MSI2: variants seen among roughly 807,000 people sequenced by gnomAD.
MSI2 encodes the protein RNA-binding protein Musashi homolog 2.
In MSI2, 17 loss-of-function variants were observed where a neutral mutation model predicts 45.6. That is an observed-to-expected ratio of 0.37 (90% CI 0.26 to 0.56). MSI2 has a LOEUF of 0.56. MSI2 is among the 20% of genes least tolerant of loss of function. MSI2 has a pLI of 0.77. For missense variants in MSI2, 293 were observed against 444.2 expected (o/e 0.66, Z 3.06); for synonymous variants, 156 against 158.2 (o/e 0.99, Z 0.11).
intron 5 of MSI2, among the ~76,000 whole-genome samples, chr17:57,303,831 G>A (rs988230569): frequency 1.3e-5 from 2 of 152,170 alleles, no homozygotes; most frequent in African/African-American, 4.8e-5. Context: ...GTAATGGGCC[G>A]TCACACAAGG....
In MSI2 at chr17:57,555,916, G is replaced by T. The variant is rs146322487; in HGVS notation, c.454+26192G>T. 1.3e-3 allele frequency among the ~76,000 whole-genome samples: 192 copies of T among 152,296 alleles called. 1 individual carries two copies. Among genetic ancestry groups the T allele is most frequent in the Non-Finnish European group, 2.3e-3 (159 of 68,026 alleles). ...CCCTACAGCCAGGACAGGCTGCCCA[G>T]CCTCAGAACCACCACTTGTTGTGAC... On this transcript the variant is annotated intron_variant, in intron 7 of 13. Coordinates refer to ENST00000284073, the MANE Select transcript of MSI2 (RefSeq NM_138962.4).
chr17:57,633,098 A>G (rs1909548117), intron 10 of MSI2: 2 of 1,032,250 alleles, frequency 1.9e-6, no homozygotes, highest in African/African-American at 3.4e-5. Flanking sequence ...CTCTGTAAAT[A>G]GTTCATCTGT....
At chr17:57,594,744 G>A (rs1905124165) in intron 7 of MSI2, among the ~76,000 whole-genome samples, 1 of 152,186 alleles carries the variant, frequency 6.6e-6, no homozygotes, top group Non-Finnish European at 1.5e-5. Flanking sequence ...TATCCTGTCG[G>A]ATGTCTGCTT....
At chr17:57,423,175 C>G (rs2084428746) in intron 6 of MSI2, among the ~76,000 whole-genome samples, 2 of 152,140 alleles carry the variant, frequency 1.3e-5, no homozygotes, top group Non-Finnish European at 2.9e-5. Context: ...AAAATAAAAA[C>G]CATGGGATGG....
At chr17:57,296,328 T>A (rs1567742155) in intron 5 of MSI2, among the ~76,000 whole-genome samples, 1 of 152,188 alleles carries the variant, frequency 6.6e-6, no homozygotes, top group Non-Finnish European at 1.5e-5. Context: ...GGCTTTGTAG[T>A]GTTCATATAT....
chr17:57,445,861 A>G (rs1356911388), intron 6 of MSI2, among the ~76,000 whole-genome samples: 1 of 152,132 alleles, frequency 6.6e-6, no homozygotes, highest in African/African-American at 2.4e-5. Context: ...AGAATATGGA[A>G]CGCTATTCTA....
At chr17:57,562,502 T>A (rs2087602977) in intron 7 of MSI2, among the ~76,000 whole-genome samples, 1 of 152,238 alleles carries the variant, frequency 6.6e-6, no homozygotes. Flanking sequence ...AACACAGCCC[T>A]TCTTAGATCT....
intron 10 of MSI2, among the ~76,000 whole-genome samples, chr17:57,638,268 G>A (rs1247639627): frequency 6.6e-6 from 1 of 152,130 alleles, no homozygotes; most frequent in African/African-American, 2.4e-5. Flanking sequence ...CCCTGCCCCT[G>A]AGAGACCCCA....
At chr17:57,486,857 G>A (rs575039696) in intron 6 of MSI2, among the ~76,000 whole-genome samples, 2 of 152,328 alleles carry the variant, frequency 1.3e-5, no homozygotes, top group Non-Finnish European at 2.9e-5. Context: ...CACGAAGGCT[G>A]CAAAGATAAA....
chr17:57,425,081 C>G (rs1255083615), intron 6 of MSI2, among the ~76,000 whole-genome samples: 1 of 152,178 alleles, frequency 6.6e-6, no homozygotes, highest in Non-Finnish European at 1.5e-5. Context: ...CTATAAAAGC[C>G]TTTCTTCCCA....
In MSI2 at chr17:57,560,357, C is replaced by T. The variant is rs189540070; in HGVS notation, c.454+30633C>T. Among the ~76,000 whole-genome samples the T allele has an allele frequency of 3.6e-3, 546 of 152,322 alleles. 3 individuals carry two copies. Among genetic ancestry groups the T allele is most frequent in the South Asian group, 9.5e-3 (46 of 4,822 alleles). On this transcript the variant is annotated intron_variant, in intron 7 of 13. Coordinates refer to ENST00000284073, the MANE Select transcript of MSI2 (RefSeq NM_138962.4). ...CCTGGGATGGGGGACTTGCAGTAAC[C>T]CGTGCCCCTCCGAGGAGCCCTGGAG...
chr17:57,374,204 A>G (rs1246283576), intron 5 of MSI2, among the ~76,000 whole-genome samples: 1 of 152,228 alleles, frequency 6.6e-6, no homozygotes, highest in African/African-American at 2.4e-5. Flanking sequence ...TGGCAGCACT[A>G]CATTGTACTG....
In MSI2 at chr17:57,490,586, G is replaced by T. The variant is rs1006738056; in HGVS notation, c.406-39090G>T. ...GTAAAGCATGGTTGGGACAGAAGTT[G>T]TATTGGGTTCACTTGTGTGTCCTGG... On this transcript the variant is annotated intron_variant, in intron 6 of 13. Coordinates refer to ENST00000284073, the MANE Select transcript of MSI2 (RefSeq NM_138962.4). 3.3e-5 allele frequency among the ~76,000 whole-genome samples: 5 copies of T among 152,356 alleles called. No homozygotes were observed. The Middle Eastern group carries it at 0.014, about 415-fold the overall frequency.
chr17:57,400,715 GT>G, intron 5 of MSI2, among the ~76,000 whole-genome samples: 1 of 152,022 alleles, frequency 6.6e-6, no homozygotes, highest in Admixed American at 6.6e-5. Context: ...ACAACTTGCC[GT>G]AGTTAGGTTC....
chr17:57,346,348 TG>T (rs61454049), intron 5 of MSI2, among the ~76,000 whole-genome samples: 26,940 of 128,218 alleles, frequency 0.21, 2,864 homozygotes, highest in Admixed American at 0.28. Context: ...TAACACATTT[TG>T]GGGGGGGGGG....
At chr17:57,468,844 G>C (rs1290895290) in intron 6 of MSI2, among the ~76,000 whole-genome samples, 1 of 152,084 alleles carries the variant, frequency 6.6e-6, no homozygotes, top group African/African-American at 2.4e-5. Context: ...ATGCTGTAGG[G>C]GGCCCGAGAG....
At chr17:57,261,593 C>G (rs1423447331) in intron 4 of MSI2, among the ~76,000 whole-genome samples, 2 of 152,078 alleles carry the variant, frequency 1.3e-5, no homozygotes, top group African/African-American at 4.8e-5. Context: ...TTAATTAACT[C>G]AAGCAGAGCA....
the MSI2 span, among the ~76,000 whole-genome samples, chr17:57,694,726 C>G: frequency 6.6e-6 from 1 of 152,124 alleles, no homozygotes; most frequent in East Asian, 1.9e-4. Context: ...CTCATCAGTA[C>G]ACAACATGGC....
intron 6 of MSI2, among the ~76,000 whole-genome samples, chr17:57,417,795 G>A (rs907659354): frequency 2.0e-5 from 3 of 152,218 alleles, no homozygotes; most frequent in African/African-American, 7.2e-5. Context: ...GACAGCTGAA[G>A]TCAGTGGTTT....
Sources: gnomAD v4.1 joint callset for allele counts (sites outside exome capture counted in the v4.1 genomes callset) on GRCh38, gnomAD v4.1.1 for gene constraint, MANE v1.5 for transcripts, NCBI Gene and HGNC (gene_info 2026-07-23, HGNC 2026-07-21) for gene names.